ACACB: variants seen among roughly 807,000 people sequenced by gnomAD.
The protein encoded by ACACB is acetyl-CoA carboxylase beta.
A neutral mutation model predicts 278.8 loss-of-function variants in ACACB; 209 were observed. The observed-to-expected ratio is 0.75, with a 90% confidence interval of 0.67 to 0.84. The LOEUF is 0.84. ACACB is among the 40% of genes least tolerant of loss of function. ACACB has a pLI of 0.00. For synonymous variants in ACACB, 1,174 were observed against 1,285.6 expected, an observed-to-expected ratio of 0.91 and a Z score of 1.86; for missense variants, 2,850 against 3,269.0, an observed-to-expected ratio of 0.87 and a Z score of 3.13.
intron 16 of ACACB, among the ~76,000 whole-genome samples, chr12:109,195,748 A>G (rs1171840473): frequency 6.6e-6 from 1 of 151,968 alleles, no homozygotes; most frequent in Admixed American, 6.6e-5. Flanking sequence ...ACACGAGTCT[A>G]AACTCATGTC....
chr12:109,176,111 C>A (rs761220369), intron 8 of ACACB, 42 bp from the exon 9 acceptor site: 6 of 1,612,536 alleles, frequency 3.7e-6, no homozygotes, highest in Non-Finnish European at 4.2e-6. Flanking sequence ...CAGTTGGCAA[C>A]TGGCTAACCT....
chr12:109,133,252 CT>C (rs1240411689), intron 1 of ACACB, among the ~76,000 whole-genome samples: 1 of 152,010 alleles, frequency 6.6e-6, no homozygotes, highest in Non-Finnish European at 1.5e-5. Context: ...CTCTCTCTCT[CT>C]CTCTCTCTCT....
At chr12:109,152,559 G>A (rs1383216802) in intron 2 of ACACB, among the ~76,000 whole-genome samples, 1 of 151,962 alleles carries the variant, frequency 6.6e-6, no homozygotes, top group East Asian at 1.9e-4. Context: ...TTAAACAGGG[G>A]CCCAGGGTGT....
At chr12:109,160,812 C>T (rs751626712) in intron 2 of ACACB, among the ~76,000 whole-genome samples, 9 of 152,206 alleles carry the variant, frequency 5.9e-5, no homozygotes, top group Non-Finnish European at 1.3e-4. Flanking sequence ...GCCTAGCCTG[C>T]GGTAATGGGC....
chr12:109,175,196 C>T (rs377286402), intron 7 of ACACB, among the ~76,000 whole-genome samples: 3 of 151,890 alleles, frequency 2.0e-5, no homozygotes, highest in Non-Finnish European at 2.9e-5. Flanking sequence ...TAAATAGGAC[C>T]GTCTCAAAAG....
intron 1 of ACACB, among the ~76,000 whole-genome samples, chr12:109,137,945 C>T (rs1410248471): frequency 6.6e-6 from 1 of 151,098 alleles, no homozygotes; most frequent in Non-Finnish European, 1.5e-5. Flanking sequence ...GTTGCCCGGG[C>T]TGGAATGCAG....
At chr12:109,216,775 G>T (rs528720681) in intron 23 of ACACB, 21 bp from the exon 24 acceptor site, 3 of 1,614,110 alleles carry the variant, frequency 1.9e-6, no homozygotes, top group Middle Eastern at 1.7e-4. Flanking sequence ...TTACCTCTGT[G>T]TGGTGTTTTG....
intron 44 of ACACB, among the ~76,000 whole-genome samples, chr12:109,254,814 G>A (rs1309497203): frequency 2.7e-5 from 4 of 150,590 alleles, no homozygotes; most frequent in Admixed American, 1.3e-4. Flanking sequence ...TTGCTCTGTC[G>A]CCCAGGCTGG....
intron 17 of ACACB, among the ~76,000 whole-genome samples, chr12:109,199,201 T>A (rs1254848833): frequency 6.6e-6 from 1 of 151,022 alleles, no homozygotes; most frequent in Non-Finnish European, 1.5e-5. Flanking sequence ...AAAAAAAAAA[T>A]AAAATAAGAA....
At chr12:109,152,723 C>G (rs1305814679) in intron 2 of ACACB, among the ~76,000 whole-genome samples, 1 of 143,302 alleles carries the variant, frequency 7.0e-6, no homozygotes, top group African/African-American at 2.6e-5. Flanking sequence ...TGGCTCACTG[C>G]AGCCTCAGCT....
At chr12:109,235,238 T>A in intron 31 of ACACB, 75 bp from the exon 32 acceptor site, 1 of 1,234,720 alleles carries the variant, frequency 8.1e-7, no homozygotes, top group Non-Finnish European at 1.2e-6. Context: ...TTCATCCGTG[T>A]GGTAACATGC....
At chr12:109,125,723 T>C (rs1382315115) in intron 1 of ACACB, 2 of 152,232 alleles carry the variant, frequency 1.3e-5, no homozygotes, top group Non-Finnish European at 2.9e-5. Context: ...TCCTTATCAT[T>C]GTATACATGA....
At chr12:109,169,640 A>G (rs940019105) in intron 4 of ACACB, among the ~76,000 whole-genome samples, 3 of 152,178 alleles carry the variant, frequency 2.0e-5, no homozygotes, top group African/African-American at 7.2e-5. Context: ...TGCTTCTCCC[A>G]GAGCCCTTTG....
intron 2 of ACACB, among the ~76,000 whole-genome samples, chr12:109,155,219 G>T (rs1402389383): frequency 1.3e-5 from 2 of 152,152 alleles, no homozygotes; most frequent in East Asian, 1.9e-4. Context: ...ATCAGCCCTT[G>T]CGCAGGGGCA....
At chr12:109,123,692 CAAAAAAAAGAAAA>C (rs2042607727) in intron 1 of ACACB, among the ~76,000 whole-genome samples, 1 of 143,786 alleles carries the variant, frequency 7.0e-6, no homozygotes, top group Non-Finnish European at 1.5e-5. Context: ...GACCCTGTCT[CAAAAAAAAGAAAA>C]GAGACAGGGT....
At chr12:109,259,575 CAAAA>C (rs1480519994) in intron 47 of ACACB, among the ~76,000 whole-genome samples, 1 of 130,224 alleles carries the variant, frequency 7.7e-6, no homozygotes, top group African/African-American at 2.8e-5. Flanking sequence ...AAAAAAAAAA[CAAAA>C]AAACAAAAAA....
chr12:109,147,700 A>G (rs1240346222), intron 2 of ACACB, among the ~76,000 whole-genome samples: 1 of 152,108 alleles, frequency 6.6e-6, no homozygotes, highest in Non-Finnish European at 1.5e-5. Context: ...TAGGCTTTGA[A>G]TATCTGCTAA....
intron 27 of ACACB, among the ~76,000 whole-genome samples, chr12:109,225,031 C>T (rs921326709): frequency 2.0e-5 from 3 of 152,150 alleles, no homozygotes; most frequent in African/African-American, 7.2e-5. Flanking sequence ...CATATTACAG[C>T]CACAGGGTCT....
At chr12:109,178,899 G>C (rs958765115) in intron 9 of ACACB, among the ~76,000 whole-genome samples, 189 bp from the exon 10 acceptor site, 2 of 152,168 alleles carry the variant, frequency 1.3e-5, no homozygotes, top group Non-Finnish European at 2.9e-5. Context: ...CTTTCTCCTC[G>C]TTACTGTGGA....
Sources: allele counts gnomAD v4.1 joint callset (sites outside exome capture counted in the v4.1 genomes callset), GRCh38; gene constraint gnomAD v4.1.1; transcripts MANE v1.5; gene names NCBI Gene and HGNC (gene_info 2026-07-23, HGNC 2026-07-21).